The following GALNT2 variants were observed in gnomAD, a reference collection of about 807,000 sequenced individuals.
GALNT2 encodes the protein UDP-GalNAc:polypeptide N-acetylgalactosaminyltransferase 2.
A neutral mutation model predicts 81.4 loss-of-function variants in GALNT2; 31 were observed. That is an observed-to-expected ratio of 0.38 (90% CI 0.29 to 0.51). The LOEUF (loss-of-function observed/expected upper bound fraction) is 0.51, where lower values mean the gene tolerates loss of function less well. GALNT2 is among the 20% of genes least tolerant of loss of function. The pLI, the probability that GALNT2 is intolerant of heterozygous loss-of-function variation, is 0.87. For missense variants in GALNT2, 629 were observed against 765.7 expected (o/e 0.82, Z 2.11); for synonymous variants, 303 against 287.4 (o/e 1.05, Z -0.55).
intron 1 of GALNT2, among the ~76,000 whole-genome samples, chr1:230,170,382 G>C (rs558265720): frequency 6.6e-6 from 1 of 152,256 alleles, no homozygotes; most frequent in Admixed American, 6.5e-5. Context: ...ATGATGAGTA[G>C]GAGGAAAGAT....
At chr1:230,249,564 C>T (rs576980114) in intron 9 of GALNT2, among the ~76,000 whole-genome samples, 4 of 152,212 alleles carry the variant, frequency 2.6e-5, no homozygotes, top group Admixed American at 6.5e-5. Flanking sequence ...GCAGGATCTC[C>T]GAGCTGACCC....
At chr1:230,098,431 G>T (rs1454517758) in intron 1 of GALNT2, among the ~76,000 whole-genome samples, 1 of 151,942 alleles carries the variant, frequency 6.6e-6, no homozygotes, top group Non-Finnish European at 1.5e-5. Flanking sequence ...GCGAAAGGCA[G>T]GTCTATGCAA....
At chr1:230,258,515 G>A (rs560492921) in intron 11 of GALNT2, among the ~76,000 whole-genome samples, 4 of 152,258 alleles carry the variant, frequency 2.6e-5, no homozygotes, top group Non-Finnish European at 4.4e-5. Context: ...GTGAGCCACC[G>A]TGCCTGGCCA....
chr1:230,078,194 A>G (rs1484642030), intron 1 of GALNT2, among the ~76,000 whole-genome samples: 1 of 152,224 alleles, frequency 6.6e-6, no homozygotes, highest in Non-Finnish European at 1.5e-5. Context: ...AATTAAGGCA[A>G]TTCCTACTTT....
In GALNT2 at chr1:230,070,143, G is replaced by A. The variant is rs535787524; in HGVS notation, c.126+2737G>A. 2.8e-4 allele frequency among the ~76,000 whole-genome samples: 43 copies of A among 152,296 alleles called. No homozygotes were observed. Among genetic ancestry groups the A allele is most frequent in the Non-Finnish European group, 2.9e-4 (20 of 68,032 alleles). ...CTGAAGACCAATCTCAGGCACTGCC[G>A]CACAACTCGGGACTCAACACCCAGG... is the stretch of plus-strand genomic sequence containing the variant. On this transcript the variant is annotated intron_variant, in intron 1 of 15. Transcript: ENST00000366672. This position sits in a 1 kb window ranked among gnomAD's most constrained non-coding sequence, Gnocchi z 4.7.
intron 2 of GALNT2, among the ~76,000 whole-genome samples, chr1:230,180,509 C>G (rs1663127858): frequency 6.6e-6 from 1 of 152,014 alleles, no homozygotes; most frequent in Non-Finnish European, 1.5e-5. Context: ...GCCTTGATTA[C>G]CATGACTTCA....
At chr1:230,254,861 G>A (rs1473905093) in intron 10 of GALNT2, among the ~76,000 whole-genome samples, 4 of 152,328 alleles carry the variant, frequency 2.6e-5, no homozygotes, top group East Asian at 1.9e-4. Context: ...CAGTAGTTAC[G>A]ATGATACTGG....
At chr1:230,202,686 T>C (rs976860606) in intron 2 of GALNT2, among the ~76,000 whole-genome samples, 1 of 152,262 alleles carries the variant, frequency 6.6e-6, no homozygotes, top group African/African-American at 2.4e-5. Context: ...GGTTATTTTT[T>C]GTATAAACAT....
rs1572095446 is a variant in GALNT2 at position 230,214,805 on chromosome 1, G to C, written c.374+11515G>C. Among the ~76,000 whole-genome samples the C allele has an allele frequency of 2.6e-5, 4 of 152,004 alleles. No individual in the cohort carries two copies. The East Asian group carries it at 7.7e-4, about 29-fold the overall frequency. On this transcript the variant is annotated intron_variant, in intron 3 of 15. Coordinates refer to ENST00000366672, the MANE Select transcript of GALNT2 (RefSeq NM_004481.5). ...CTCTGTCCCTCATAAGCTCTTTTCT[G>C]TACTTTTTATTCTTTTTGATTCCCT...
At position 230,133,259 on chromosome 1, in the gene GALNT2, C is replaced by T. The variant is rs150621162; in HGVS notation, c.127-44959C>T. Among the ~76,000 whole-genome samples the T allele has an allele frequency of 9.1e-3, 1,392 of 152,212 alleles. 72 individuals are homozygous for T. The highest frequency in any genetic ancestry group is 0.077 in the Admixed American group (1,170 of 15,290). ...AATAGATTTCTAAAAGTGGAATTACCGGGTCAGAGAGTTTGAACATTTTTA... is the reference window on the plus strand; with the variant it reads ...AATAGATTTCTAAAAGTGGAATTACTGGGTCAGAGAGTTTGAACATTTTTA... On this transcript the variant is annotated intron_variant, in intron 1 of 15. Transcript: ENST00000366672.
chr1:230,185,941 T>G (rs1009539265), intron 2 of GALNT2, among the ~76,000 whole-genome samples: 11 of 152,216 alleles, frequency 7.2e-5, no homozygotes, highest in African/African-American at 2.7e-4. Flanking sequence ...ACTTACAGGC[T>G]TCTGCTCCAG....
chr1:230,182,487 CCT>C (rs1381448855), intron 2 of GALNT2, among the ~76,000 whole-genome samples: 1 of 152,104 alleles, frequency 6.6e-6, no homozygotes, highest in East Asian at 1.9e-4. Flanking sequence ...TTCTTTGACC[CCT>C]GTGTCATTTA....
intron 1 of GALNT2, among the ~76,000 whole-genome samples, chr1:230,145,256 G>T (rs1202775408): frequency 2.0e-5 from 3 of 152,084 alleles, no homozygotes; most frequent in African/African-American, 7.2e-5. Context: ...CAGACTGGCC[G>T]AATCTGAATT....
At chr1:230,188,472 CAAGTT>C (rs1459952562) in intron 2 of GALNT2, among the ~76,000 whole-genome samples, 3 of 152,214 alleles carry the variant, frequency 2.0e-5, no homozygotes, top group Non-Finnish European at 4.4e-5. Flanking sequence ...TGGCCTTAGA[CAAGTT>C]AAGGAGTATT....
At chr1:230,146,815 C>T (rs534555248) in intron 1 of GALNT2, among the ~76,000 whole-genome samples, 14 of 152,154 alleles carry the variant, frequency 9.2e-5, no homozygotes, top group African/African-American at 3.4e-4. Flanking sequence ...AGCGGCCCCA[C>T]GTGTTGGCGG....
At chr1:230,267,695 G>C (rs1367127183) in intron 14 of GALNT2, among the ~76,000 whole-genome samples, 1 of 152,240 alleles carries the variant, frequency 6.6e-6, no homozygotes, top group Non-Finnish European at 1.5e-5. Context: ...CCCATACAGG[G>C]GGAGGGAAGA....
At chr1:230,071,960 C>G (rs150333111) in intron 1 of GALNT2, among the ~76,000 whole-genome samples, 4 of 152,308 alleles carry the variant, frequency 2.6e-5, no homozygotes, top group African/African-American at 7.2e-5. Context: ...GAAAAAGCAA[C>G]TGCTTTACCC....
chr1:230,183,713 C>T (rs963498109), intron 2 of GALNT2, among the ~76,000 whole-genome samples: 3 of 152,212 alleles, frequency 2.0e-5, no homozygotes, highest in Admixed American at 6.5e-5. Context: ...AGCAGTGGCT[C>T]ATGCCTGTAA....
intron 3 of GALNT2, among the ~76,000 whole-genome samples, chr1:230,213,558 A>G (rs555789819): frequency 7.2e-5 from 11 of 152,154 alleles, no homozygotes; most frequent in Non-Finnish European, 1.5e-4. Flanking sequence ...CTATAGTTGG[A>G]TTTTGGACTT....
Sources: allele counts gnomAD v4.1 joint callset (sites outside exome capture counted in the v4.1 genomes callset), GRCh38; gene constraint gnomAD v4.1.1; non-coding constraint Gnocchi (gnomAD v3.1); transcripts MANE v1.5; gene names NCBI Gene and HGNC (gene_info 2026-07-23, HGNC 2026-07-21).